Variants in KCNB2 observed in about 807,000 individuals in gnomAD.
KCNB2 encodes the protein potassium voltage-gated channel subfamily B member 2, also known as delayed rectifier potassium channel protein.
A neutral mutation model predicts 61.5 loss-of-function variants in KCNB2; 15 were observed. That is an observed-to-expected ratio of 0.24 (90% confidence interval 0.16 to 0.38). The LOEUF is 0.38. Ranked by LOEUF, KCNB2 falls within the 10% of genes least tolerant of loss-of-function variation. The pLI is 1.00. For synonymous variants in KCNB2, 457 were observed against 446.0 expected (o/e 1.02, Z -0.31); for missense variants, 828 against 1,125.2 (o/e 0.74, Z 3.78).
intron 2 of KCNB2, among the ~76,000 whole-genome samples, chr8:72,695,189 T>G (rs1394045664): frequency 3.9e-5 from 6 of 152,160 alleles, no homozygotes; most frequent in Non-Finnish European, 1.5e-5. Context: ...ATGCATACAG[T>G]TTGTTTGATA....
At chr8:72,776,190 G>A (rs1238651026) in intron 2 of KCNB2, among the ~76,000 whole-genome samples, 1 of 145,124 alleles carries the variant, frequency 6.9e-6, no homozygotes, top group Non-Finnish European at 1.5e-5. Context: ...TCATAGGTGG[G>A]AATTGAACAA....
chr8:72,720,954 T>C (rs1807538624), intron 2 of KCNB2, among the ~76,000 whole-genome samples: 1 of 152,250 alleles, frequency 6.6e-6, no homozygotes, highest in Non-Finnish European at 1.5e-5. Flanking sequence ...TCTTCACATT[T>C]TGTTTTGTAC....
At chr8:72,934,186 G>A (rs918457344) in intron 2 of KCNB2, among the ~76,000 whole-genome samples, 8 of 151,982 alleles carry the variant, frequency 5.3e-5, no homozygotes, top group African/African-American at 1.2e-4. Flanking sequence ...GCAGCAGGGC[G>A]AAACCCCGTA....
intron 2 of KCNB2, among the ~76,000 whole-genome samples, chr8:72,710,453 G>A (rs1807307470): frequency 1.3e-5 from 2 of 151,172 alleles, no homozygotes; most frequent in South Asian, 4.2e-4. Flanking sequence ...TATCGTGCAT[G>A]CTCTGCATAT....
intron 2 of KCNB2, among the ~76,000 whole-genome samples, chr8:72,587,006 TTG>T (rs1164753324): frequency 6.6e-6 from 1 of 151,970 alleles, no homozygotes; most frequent in Non-Finnish European, 1.5e-5. Flanking sequence ...ATACGGCCTA[TTG>T]ATAGCAAAGA....
chr8:72,739,332 A>G (rs747601394), intron 2 of KCNB2, among the ~76,000 whole-genome samples: 36 of 151,974 alleles, frequency 2.4e-4, no homozygotes, highest in Non-Finnish European at 4.3e-4. Context: ...AAAAATATCA[A>G]TGAGGTATGG....
intron 2 of KCNB2, among the ~76,000 whole-genome samples, chr8:72,873,172 C>T (rs1805646152): frequency 2.0e-5 from 3 of 152,220 alleles, no homozygotes; most frequent in Admixed American, 2.0e-4. Flanking sequence ...ATCCCTCATT[C>T]ATTAAAATCC....
chr8:72,909,993 T>C (rs1476298682), intron 2 of KCNB2, among the ~76,000 whole-genome samples: 2 of 152,090 alleles, frequency 1.3e-5, no homozygotes, highest in Non-Finnish European at 2.9e-5. Flanking sequence ...AGGAGAGAGA[T>C]CCCAATCATC....
chr8:72,621,145 A>G (rs887189987), intron 2 of KCNB2, among the ~76,000 whole-genome samples: 3 of 152,216 alleles, frequency 2.0e-5, no homozygotes, highest in African/African-American at 4.8e-5. Context: ...ATGTGTTTTT[A>G]AAAGAATCCT....
intron 2 of KCNB2, among the ~76,000 whole-genome samples, chr8:72,841,329 G>T (rs1809879544): frequency 6.9e-6 from 1 of 144,258 alleles, no homozygotes; most frequent in African/African-American, 2.6e-5. Flanking sequence ...TTTGAGTCAG[G>T]TAGCATGATA....
intron 2 of KCNB2, among the ~76,000 whole-genome samples, chr8:72,715,114 T>A (rs1429425248): frequency 6.6e-6 from 1 of 152,056 alleles, no homozygotes; most frequent in Non-Finnish European, 1.5e-5. Context: ...GAACTAACTA[T>A]CCTAAATATA....
intron 2 of KCNB2, among the ~76,000 whole-genome samples, chr8:72,645,525 A>G (rs1410524010): frequency 6.6e-6 from 1 of 152,144 alleles, no homozygotes; most frequent in Non-Finnish European, 1.5e-5. Context: ...AGTATTATAT[A>G]TAGTTCACTT....
intron 2 of KCNB2, among the ~76,000 whole-genome samples, chr8:72,801,529 G>A (rs937905245): frequency 6.6e-6 from 1 of 151,984 alleles, no homozygotes; most frequent in Non-Finnish European, 1.5e-5. Flanking sequence ...TTTTTCCGAA[G>A]CATTTCTTCA....
chr8:72,701,757 AT>A (rs1340633324), intron 2 of KCNB2, among the ~76,000 whole-genome samples: 1 of 152,206 alleles, frequency 6.6e-6, no homozygotes, highest in Non-Finnish European at 1.5e-5. Context: ...AAACATCTAA[AT>A]GTCCAATAGT....
intron 2 of KCNB2, among the ~76,000 whole-genome samples, chr8:72,853,191 GT>G (rs1810150573): frequency 6.6e-6 from 1 of 152,186 alleles, no homozygotes; most frequent in Admixed American, 6.5e-5. Flanking sequence ...ACTGCTCAGA[GT>G]GTTGGCTCCA....
intron 1 of KCNB2, among the ~76,000 whole-genome samples, chr8:72,549,280 C>T (rs1177350362): frequency 6.6e-6 from 1 of 152,172 alleles, no homozygotes; most frequent in Non-Finnish European, 1.5e-5. Flanking sequence ...TCCCACGCCC[C>T]CTAACATCAA....
At chr8:72,747,158 G>C (rs549046487) in intron 2 of KCNB2, among the ~76,000 whole-genome samples, 3 of 152,290 alleles carry the variant, frequency 2.0e-5, no homozygotes, top group African/African-American at 4.8e-5. Context: ...GGCTGTGTCA[G>C]GAAGCAGAGG....
chr8:72,599,179 T>G (rs533260940), intron 2 of KCNB2, among the ~76,000 whole-genome samples: 1 of 152,130 alleles, frequency 6.6e-6, no homozygotes, highest in Non-Finnish European at 1.5e-5. Context: ...GGAGGCATCA[T>G]GCTACCTGAC....
chr8:72,789,393 C>T (rs1481031141), intron 2 of KCNB2, among the ~76,000 whole-genome samples: 1 of 152,154 alleles, frequency 6.6e-6, no homozygotes, highest in Non-Finnish European at 1.5e-5. Flanking sequence ...ACCACAGTCT[C>T]CACTGTCTCC....
Sources: allele counts gnomAD v4.1 joint callset (sites outside exome capture counted in the v4.1 genomes callset), GRCh38; gene constraint gnomAD v4.1.1; transcripts MANE v1.5; gene names NCBI Gene and HGNC (gene_info 2026-07-23, HGNC 2026-07-21).